The following AFG2A variants were observed in gnomAD, a reference collection of about 807,000 sequenced individuals.
The protein encoded by AFG2A is ATPase family gene 2 protein homolog A.
At chr4:123,144,667 C>T in the AFG2A span, among the ~76,000 whole-genome samples, 20 of 152,046 alleles carry the variant, frequency 1.3e-4, no homozygotes, top group Admixed American at 3.3e-4. Flanking sequence ...AAAGCAAAAG[C>T]ATTTCTCTCA....
chr4:122,979,188 A>G, the AFG2A span: 1 of 1,593,946 alleles, frequency 6.3e-7, no homozygotes, highest in South Asian at 1.2e-5. Context: ...GTCTGTATTT[A>G]TGAAGGAAAA....
the AFG2A span, among the ~76,000 whole-genome samples, chr4:123,248,091 G>C: frequency 6.6e-6 from 1 of 152,158 alleles, no homozygotes; most frequent in East Asian, 1.9e-4. Context: ...AAATTGTCTA[G>C]TAGGTGTCTT....
chr4:123,145,663 A>C, the AFG2A span, among the ~76,000 whole-genome samples: 1 of 152,116 alleles, frequency 6.6e-6, no homozygotes, highest in African/African-American at 2.4e-5. Context: ...ACAAAAGTGA[A>C]AAATGTTAGT....
At chr4:123,194,867 C>T in the AFG2A span, among the ~76,000 whole-genome samples, 1 of 152,162 alleles carries the variant, frequency 6.6e-6, no homozygotes, top group South Asian at 2.1e-4. Context: ...ATTATCAGAA[C>T]AACACTTCTT....
chr4:122,995,328 G>C, the AFG2A span, among the ~76,000 whole-genome samples: 1 of 151,874 alleles, frequency 6.6e-6, no homozygotes, highest in Non-Finnish European at 1.5e-5. Context: ...TTTGCTTCTT[G>C]TTGTCTAGAC....
chr4:123,018,046 A>G, the AFG2A span, among the ~76,000 whole-genome samples: 28 of 152,012 alleles, frequency 1.8e-4, no homozygotes, highest in East Asian at 2.3e-3. Flanking sequence ...ATTTATTTTT[A>G]ACCTGATCAT....
the AFG2A span, among the ~76,000 whole-genome samples, chr4:123,041,002 GTGTATTCTGTGGT>G: frequency 6.6e-6 from 1 of 151,716 alleles, no homozygotes; most frequent in Non-Finnish European, 1.5e-5. Context: ...TTGTCTATTT[GTGTATTCTGTGGT>G]TTGTAGATTT....
the AFG2A span, among the ~76,000 whole-genome samples, chr4:123,053,148 C>T: frequency 0.012 from 1,760 of 152,306 alleles, 14 homozygotes; most frequent in Middle Eastern, 0.078. Context: ...CGGCAACATC[C>T]TCATAGACCC....
chr4:123,206,250 A>G, the AFG2A span, among the ~76,000 whole-genome samples: 3,148 of 152,182 alleles, frequency 0.021, 100 homozygotes, highest in African/African-American at 0.071. Context: ...TGAGGAATGT[A>G]AGTATAAATT....
chr4:123,092,773 A>C, the AFG2A span, among the ~76,000 whole-genome samples: 1 of 152,120 alleles, frequency 6.6e-6, no homozygotes. Flanking sequence ...AGAACTAAAG[A>C]CTGAATTTCC....
chr4:123,280,067 T>A, the AFG2A span, among the ~76,000 whole-genome samples: 1 of 152,166 alleles, frequency 6.6e-6, no homozygotes, highest in Non-Finnish European at 1.5e-5. Context: ...TTATGAGGTT[T>A]AGTGTCAGGT....
At chr4:123,087,304 G>A in the AFG2A span, among the ~76,000 whole-genome samples, 1 of 152,110 alleles carries the variant, frequency 6.6e-6, no homozygotes, top group African/African-American at 2.4e-5. Flanking sequence ...ATTTTCTCCC[G>A]TTAGGTGGGA....
chr4:123,108,919 T>A, the AFG2A span, among the ~76,000 whole-genome samples: 5 of 152,202 alleles, frequency 3.3e-5, no homozygotes, highest in Non-Finnish European at 5.9e-5. Context: ...CCTGACATTT[T>A]GAGTTTAACA....
At chr4:122,969,825 G>A in the AFG2A span, among the ~76,000 whole-genome samples, 2 of 152,106 alleles carry the variant, frequency 1.3e-5, no homozygotes, top group Non-Finnish European at 2.9e-5. Flanking sequence ...AGGTACTTTG[G>A]TTTTTTGAAT....
At chr4:122,946,266 G>A in the AFG2A span, among the ~76,000 whole-genome samples, 1 of 152,222 alleles carries the variant, frequency 6.6e-6, no homozygotes, top group Admixed American at 6.5e-5. Flanking sequence ...GAAATCAGAT[G>A]AAAGGCTTAG....
chr4:123,253,584 A>G, the AFG2A span, among the ~76,000 whole-genome samples: 1 of 151,956 alleles, frequency 6.6e-6, no homozygotes, highest in Non-Finnish European at 1.5e-5. Context: ...CAGGAGGTGG[A>G]GATTGCAGTG....
the AFG2A span, among the ~76,000 whole-genome samples, chr4:123,118,910 A>T: frequency 6.6e-6 from 1 of 152,154 alleles, no homozygotes; most frequent in Non-Finnish European, 1.5e-5. Flanking sequence ...GTCTTAGGGC[A>T]AATAATTTTT....
At chr4:123,312,021 G>A in the AFG2A span, among the ~76,000 whole-genome samples, 1 of 152,152 alleles carries the variant, frequency 6.6e-6, no homozygotes, top group African/African-American at 2.4e-5. Context: ...TCTCAACCCT[G>A]CTCTTTTTCC....
the AFG2A span, among the ~76,000 whole-genome samples, chr4:123,192,452 C>A: frequency 6.6e-6 from 1 of 152,158 alleles, no homozygotes; most frequent in Admixed American, 6.5e-5. Context: ...CAGATATGCA[C>A]CATCTAAAGA....
Sources: allele counts gnomAD v4.1 joint callset (sites outside exome capture counted in the v4.1 genomes callset), GRCh38; gene constraint gnomAD v4.1.1; transcripts MANE v1.5; gene names NCBI Gene and HGNC (gene_info 2026-07-23, HGNC 2026-07-21).